The following WDR88 variants were observed in gnomAD, a reference collection of about 807,000 sequenced individuals.
WDR88 encodes the protein WD repeat domain 88.
In WDR88, 40 loss-of-function variants were observed where a neutral mutation model predicts 46.8. The observed-to-expected ratio is 0.86, with a 90% CI of 0.66 to 1.11. The LOEUF is 1.11. WDR88 is among the 50% of genes most tolerant of loss of function. WDR88 has a pLI of 0.00. For missense variants in WDR88, 562 were observed against 602.4 expected, an observed-to-expected ratio of 0.93 and a Z score of 0.70; for synonymous variants, 235 against 240.7, an observed-to-expected ratio of 0.98 and a Z score of 0.22.
intron 1 of WDR88, among the ~76,000 whole-genome samples, chr19:33,134,836 C>G (rs956849581): frequency 7.8e-6 from 1 of 128,386 alleles, no homozygotes; most frequent in Non-Finnish European, 1.7e-5. Context: ...TGCACGTCCC[C>G]GACACCCCCC....
rs1292976816 is a variant in WDR88, at chr19:33,174,507, C to T, written c.1243-889C>T. Reference sequence around the variant, plus strand: ...CTCTTGCTTGTTAGTGGGAAGCAGACGTGATGGGTGAGCTGTGCCATTTGT... The same window carrying T: ...CTCTTGCTTGTTAGTGGGAAGCAGATGTGATGGGTGAGCTGTGCCATTTGT... On this transcript the variant is annotated intron_variant, in intron 10 of 10. Transcript: ENST00000355868. The T allele has an allele frequency of 8.1e-6, 8 of 985,146 alleles. No homozygotes were observed. The South Asian group carries it at 1.9e-4, about 23-fold the overall frequency. 61.0% of individuals were successfully genotyped at this position (985,146 alleles called of 1,614,324 possible).
At chr19:33,161,479 C>T (rs545952747) in intron 8 of WDR88, among the ~76,000 whole-genome samples, 37 of 152,250 alleles carry the variant, frequency 2.4e-4, no homozygotes, top group African/African-American at 8.4e-4. Context: ...GCTGTGAATG[C>T]GTGCATCCCT....
At chr19:33,150,086 T>C (rs547981408) in intron 5 of WDR88, among the ~76,000 whole-genome samples, 2 of 152,358 alleles carry the variant, frequency 1.3e-5, no homozygotes, top group South Asian at 4.1e-4. Context: ...TTCTCTGTTA[T>C]TCCTTACACC....
Position 33,174,283 on chromosome 19 carries a change from G to A in WDR88, c.1243-1113G>A, listed in dbSNP as rs1200895178. On this transcript the variant is annotated intron_variant, in intron 10 of 10. Coordinates refer to ENST00000355868, the MANE Select transcript of WDR88 (RefSeq NM_173479.4). ...GAGAAGCCTGAGGCCAGGCTTCCCC[G>A]AGGCCTGCCCCAGGTAGGGTTTACC... The A allele has an allele frequency of 7.2e-6, 11 of 1,532,864 alleles. 1 individual carries two copies. In the South Asian group the frequency reaches 1.1e-4, roughly 15 times the overall value. The allele number at this position is 1,532,864 out of a possible 1,614,324, so 95.0% of individuals were successfully genotyped here. A position where few individuals can be genotyped will look rare whatever the true frequency, so the allele number is the denominator to read the frequency against.
chr19:33,132,992 T>G (rs1421035302), intron 1 of WDR88, among the ~76,000 whole-genome samples: 3 of 151,612 alleles, frequency 2.0e-5, no homozygotes, highest in Non-Finnish European at 4.4e-5. Flanking sequence ...AGAGGTCGTC[T>G]CTACAAGAAA....
chr19:33,154,016 A>T lies in WDR88; in HGVS notation c.810-2339A>T, dbSNP rs562678095. On this transcript the variant is annotated intron_variant, in intron 6 of 10. Transcript: ENST00000355868. The stretch of plus-strand genomic sequence containing the variant: ...TGCCAAATTTGGTAAAATTTCAGCC[A>T]TTTAAAAAAATTACTTTTAAAGTTG... Among the ~76,000 whole-genome samples the T allele has an allele frequency of 3.3e-5, 5 of 152,236 alleles. No individual in the cohort carries two copies. In the East Asian group the frequency reaches 9.7e-4, roughly 29 times the overall value.
chr19:33,159,702 A>G (rs911417703), intron 7 of WDR88, among the ~76,000 whole-genome samples: 7 of 152,074 alleles, frequency 4.6e-5, no homozygotes, highest in South Asian at 2.1e-4. Context: ...GAGGCCCCCA[A>G]CCTTTCTGGC....
At chr19:33,155,592 G>A (rs921308987) in intron 6 of WDR88, among the ~76,000 whole-genome samples, 2 of 152,130 alleles carry the variant, frequency 1.3e-5, no homozygotes, top group South Asian at 4.1e-4. Flanking sequence ...GGAACAGGGG[G>A]AGACCACGCC....
chr19:33,132,470 G>T, intron 1 of WDR88, 25 bp downstream of exon 1: 1 of 1,611,218 alleles, frequency 6.2e-7, no homozygotes, highest in South Asian at 1.1e-5. Flanking sequence ...TGGGGTGAGG[G>T]GGCACTGGCC....
At chr19:33,153,230 T>TG (rs1973670025) in intron 6 of WDR88, among the ~76,000 whole-genome samples, 1 of 39,484 alleles carries the variant, frequency 2.5e-5, no homozygotes, top group African/African-American at 8.5e-4. Flanking sequence ...TTTAAGTTTG[T>TG]TTTTTTTTTT....
At chr19:33,166,906 A>G (rs1438245438) in intron 9 of WDR88, among the ~76,000 whole-genome samples, 4 of 152,176 alleles carry the variant, frequency 2.6e-5, no homozygotes, top group Admixed American at 2.0e-4. Context: ...ACAGAGCTAG[A>G]CCCTGTCTCC....
At chr19:33,133,208 GAGAGAA>G (rs1422150701) in intron 1 of WDR88, among the ~76,000 whole-genome samples, 10 of 147,916 alleles carry the variant, frequency 6.8e-5, no homozygotes, top group African/African-American at 2.0e-4. Flanking sequence ...TAGAGAGAGA[GAGAGAA>G]AGAAAGAAAG....
At chr19:33,135,382 T>G (rs1043822238) in intron 1 of WDR88, among the ~76,000 whole-genome samples, 1 of 152,188 alleles carries the variant, frequency 6.6e-6, no homozygotes, top group African/African-American at 2.4e-5. Flanking sequence ...TCCCTTCCCT[T>G]TTCATTACCA....
At chr19:33,139,633 T>G (rs1483282169) in intron 2 of WDR88, among the ~76,000 whole-genome samples, 1 of 152,156 alleles carries the variant, frequency 6.6e-6, no homozygotes. Flanking sequence ...GAGTGGTTCT[T>G]AGGATGGTAC....
At chr19:33,150,802 G>A (rs1424666854) in intron 5 of WDR88, among the ~76,000 whole-genome samples, 1 of 152,334 alleles carries the variant, frequency 6.6e-6, no homozygotes, top group African/African-American at 2.4e-5. Context: ...CCTTCTTCCT[G>A]GAGTGCTCTT....
chr19:33,164,043 C>T (rs1259390673), intron 8 of WDR88, among the ~76,000 whole-genome samples, 154 bp from the exon 9 acceptor site: 2 of 152,180 alleles, frequency 1.3e-5, no homozygotes, highest in Non-Finnish European at 2.9e-5. Flanking sequence ...AATCATGGCT[C>T]ACTGCAGCTT....
rs1381757350 is a variant in WDR88, at chr19:33,157,239, G to T, written c.997+697G>T. ...AGGCCAGGCACAATGGCTCATGCCT[G>T]TAATCCCAGCACTTTGGGAGGCTGA... On this transcript the variant is annotated intron_variant, in intron 7 of 10. Transcript: ENST00000355868. 2.0e-5 allele frequency among the ~76,000 whole-genome samples: 3 copies of T among 150,818 alleles called. No individual in the cohort carries two copies. In the Admixed American group the frequency reaches 2.0e-4, roughly 10 times the overall value.
At chr19:33,152,748 CCCA>C (rs1192873924) in intron 6 of WDR88, among the ~76,000 whole-genome samples, 29 of 151,950 alleles carry the variant, frequency 1.9e-4, no homozygotes, top group African/African-American at 7.0e-4. Context: ...ATTACAGGCG[CCCA>C]CCACCACACC....
chr19:33,164,168 G>A lies in WDR88; in HGVS notation c.1081-29G>A, dbSNP rs147630162. The A allele has an allele frequency of 6.8e-4, 1,089 of 1,601,974 alleles. 8 individuals are homozygous for A. In the African/African-American group the frequency reaches 0.012, roughly 17 times the overall value. On this transcript the variant is annotated intron_variant, in intron 8 of 10. Coordinates refer to ENST00000355868, the MANE Select transcript of WDR88 (RefSeq NM_173479.4). ...GTTCTTTCAAAATTATTTTCTCCAC[G>A]TTTTCATTAAAATTTGATATTTCTT...
Sources: gnomAD v4.1 joint callset for allele counts (sites outside exome capture counted in the v4.1 genomes callset) on GRCh38, gnomAD v4.1.1 for gene constraint, MANE v1.5 for transcripts, NCBI Gene and HGNC (gene_info 2026-07-23, HGNC 2026-07-21) for gene names.